The following LNX1 variants were observed in gnomAD, a reference collection of about 807,000 sequenced individuals.
The protein encoded by LNX1 is ligand of numb-protein X 1.
A neutral mutation model predicts 68.4 loss-of-function variants in LNX1; 54 were observed. The observed-to-expected ratio is 0.79, with a 90% CI of 0.63 to 0.99. The LOEUF (loss-of-function observed/expected upper bound fraction) is 0.99, where lower values mean the gene tolerates loss of function less well. Among genes scored for constraint, LNX1 ranks in the 50% least tolerant of loss-of-function variants. The pLI is 0.00. For missense variants in LNX1, 906 were observed against 926.4 expected (o/e 0.98, Z 0.29); for synonymous variants, 336 against 350.0 (o/e 0.96, Z 0.45).
chr4:53,498,884 A>G (rs1244898675), intron 4 of LNX1, 41 bp from the exon 5 acceptor site: 5 of 1,463,388 alleles, frequency 3.4e-6, no homozygotes, highest in Non-Finnish European at 4.8e-6. Context: ...CACCCACCCA[A>G]TGGACCTTTC....
chr4:53,485,063 G>A (rs1158078474), intron 6 of LNX1, among the ~76,000 whole-genome samples: 2 of 152,216 alleles, frequency 1.3e-5, no homozygotes, highest in Admixed American at 6.5e-5. Context: ...CATGAAGAAC[G>A]ATGGAATTAG....
rs1435466400 is a variant in LNX1, at chr4:53,465,296, CTT to C, written c.1893-3705_1893-3704del. 3.3e-5 allele frequency among the ~76,000 whole-genome samples: 5 copies of C among 152,300 alleles called. No individual in the cohort carries two copies. In the South Asian group the frequency reaches 1.0e-3, roughly 32 times the overall value. ...TATGGTTCAAACATTTTTGACAGAA[CTT>C]CTCTTTACTTGTTAGCATGAATAGT... On this transcript the variant is annotated intron_variant, in intron 9 of 10. Transcript: ENST00000263925.
intron 2 of LNX1, among the ~76,000 whole-genome samples, chr4:53,569,849 C>A (rs1395158586): frequency 7.5e-6 from 1 of 133,780 alleles, no homozygotes; most frequent in Non-Finnish European, 1.6e-5. Context: ...AAAAAGTGGG[C>A]GAAGGACATG....
intron 1 of LNX1, among the ~76,000 whole-genome samples, chr4:53,579,643 G>A (rs1731711637): frequency 6.6e-6 from 1 of 152,120 alleles, no homozygotes; most frequent in Non-Finnish European, 1.5e-5. Flanking sequence ...GCACTAGACA[G>A]ATTTAAGAAC....
chr4:53,648,078 T>C (rs1398930242), intron 1 of LNX1, among the ~76,000 whole-genome samples: 1 of 152,262 alleles, frequency 6.6e-6, no homozygotes, highest in Non-Finnish European at 1.5e-5. Flanking sequence ...AGTACAAATA[T>C]ATGTTTGAGT....
intron 2 of LNX1, among the ~76,000 whole-genome samples, chr4:53,551,906 C>G (rs1315825045): frequency 5.3e-5 from 8 of 152,130 alleles, no homozygotes; most frequent in African/African-American, 1.9e-4. Flanking sequence ...AGTAACACTT[C>G]CATAGCCTTA....
intron 1 of LNX1, among the ~76,000 whole-genome samples, chr4:53,584,013 C>T (rs1034437152): frequency 1.3e-5 from 2 of 152,116 alleles, no homozygotes; most frequent in Non-Finnish European, 2.9e-5. Flanking sequence ...TGATTCGGAG[C>T]TCTGTTCATG....
In LNX1 at chr4:53,476,800, TG is replaced by T; in HGVS notation, c.1844del (p.Pro615HisfsTer40). On this transcript the variant is annotated frameshift_variant, in exon 9 of 11. Transcript: ENST00000263925. LOFTEE classifies it high-confidence loss of function. ...CCCAGGATGGGGACCAGTCACTGGG[TG>T]GGGCCATGTTGTGGTTGGAGTCCAG... ...AALDSNHNMA[P>X]PSDWSPSWVM... The T allele has an allele frequency of 6.2e-7, 1 of 1,614,084 alleles. No homozygotes were observed. The highest frequency in any genetic ancestry group is 8.5e-7 in the Non-Finnish European group (1 of 1,180,008).
At position 53,459,869 on chromosome 4, in the gene LNX1, A is replaced by AGTC. The variant is rs762551077; in HGVS notation, c.*1035_*1037dup. 4.6e-5 allele frequency: 11 copies of AGTC among 238,272 alleles called. No homozygotes were observed. Among genetic ancestry groups the AGTC allele is most frequent in the African/African-American group, 1.1e-4 (5 of 44,920 alleles). 14.8% of individuals were successfully genotyped at this position (238,272 alleles called of 1,614,324 possible). ...CCCTCTAAGGCTTGAGATTAAAACT[A>AGTC]GTCTTTATCATTACTGCTGTGACAC... On this transcript the variant is annotated 3_prime_UTR_variant, in exon 11 of 11. Transcript: ENST00000263925.
At chr4:53,485,441 C>T (rs1724222871) in intron 6 of LNX1, among the ~76,000 whole-genome samples, 1 of 152,206 alleles carries the variant, frequency 6.6e-6, no homozygotes. Context: ...GAGAAGCCTG[C>T]AAGAACTATT....
chr4:53,609,905 A>C (rs1733411821), intron 2 of LNX1, among the ~76,000 whole-genome samples: 1 of 150,784 alleles, frequency 6.6e-6, no homozygotes, highest in Non-Finnish European at 1.5e-5. Context: ...TTTATTATAA[A>C]TACTTTATGA....
chr4:53,515,356 T>A (rs1726685207), intron 2 of LNX1, among the ~76,000 whole-genome samples: 1 of 152,230 alleles, frequency 6.6e-6, no homozygotes, highest in South Asian at 2.1e-4. Flanking sequence ...TTCCGTTGAT[T>A]GAAATTACAG....
At position 53,481,777 on chromosome 4, in the gene LNX1, G is replaced by A; in HGVS notation, c.1428C>T (p.Gly476=). 5.6e-6 allele frequency: 9 copies of A among 1,613,904 alleles called. No homozygotes were observed. The highest frequency in any genetic ancestry group is 6.8e-6 in the Non-Finnish European group (8 of 1,179,884). Residue 476 remains glycine, a synonymous_variant, in exon 7 of 11, where the codon GGC becomes GGT. Transcript: ENST00000263925. ...GGGACCAGCTGCCATTGCTGTTCCA[G>A]CCGGCTTCCTGAAAGATGTCAGGGC... The part of the protein sequence containing the change: ...QRSPDIFQEA[G]WNSNGSWSPG...
intron 1 of LNX1, among the ~76,000 whole-genome samples, chr4:53,582,104 CA>C (rs1382341441): frequency 2.8e-5 from 2 of 71,882 alleles, no homozygotes; most frequent in African/African-American, 1.1e-4. Flanking sequence ...CTAAGAATAT[CA>C]AAACTGTGGT....
chr4:53,648,524 A>G (rs1734975477), intron 1 of LNX1, among the ~76,000 whole-genome samples: 1 of 152,096 alleles, frequency 6.6e-6, no homozygotes, highest in Non-Finnish European at 1.5e-5. Flanking sequence ...CAGATAGATG[A>G]TTTGCCAATG....
intron 1 of LNX1, among the ~76,000 whole-genome samples, chr4:53,651,763 T>C (rs1337621186): frequency 6.6e-6 from 1 of 152,210 alleles, no homozygotes; most frequent in African/African-American, 2.4e-5. Flanking sequence ...ACAAAGTCTG[T>C]GTGTGAATGT....
At chr4:53,526,544 A>T (rs115342620) in intron 2 of LNX1, among the ~76,000 whole-genome samples, 2 of 151,986 alleles carry the variant, frequency 1.3e-5, no homozygotes, top group Non-Finnish European at 2.9e-5. Context: ...TCACAATAAC[A>T]GTGATGAGAG....
At position 53,482,051 on chromosome 4, in the gene LNX1, C is replaced by A. The variant is rs10008334; in HGVS notation, c.1351-197G>T. On this transcript the variant is annotated intron_variant, in intron 6 of 10. Transcript: ENST00000263925. ...AGAGCTCTTTCCTTTATCCTTAAAC[C>A]AGGTAGTAAATGTTGCTCCAAGGGA... 0.23 allele frequency among the ~76,000 whole-genome samples: 35,435 copies of A among 152,070 alleles called. 4,641 individuals carry two copies. The highest frequency in any genetic ancestry group is 0.51 in the South Asian group (2,434 of 4,810).
intron 2 of LNX1, among the ~76,000 whole-genome samples, chr4:53,531,072 G>A (rs1220307726): frequency 1.3e-5 from 2 of 152,312 alleles, no homozygotes; most frequent in African/African-American, 2.4e-5. Flanking sequence ...GGCTGAGGTG[G>A]GAGGATGGCT....
Sources: gnomAD v4.1 joint callset for allele counts (sites outside exome capture counted in the v4.1 genomes callset) on GRCh38, gnomAD v4.1.1 for gene constraint, MANE v1.5 for transcripts, NCBI Gene and HGNC (gene_info 2026-07-23, HGNC 2026-07-21) for gene names.